The following MEP1B variants were observed in gnomAD, a reference collection of about 807,000 sequenced individuals.
The protein encoded by MEP1B is meprin A subunit beta, also known as N-benzoyl-L-tyrosyl-P-amino-benzoic acid hydrolase subunit beta.
In MEP1B, 80 loss-of-function variants were observed where a neutral mutation model predicts 84.6. The observed-to-expected ratio is 0.95, with a 90% CI of 0.79 to 1.14. The LOEUF (loss-of-function observed/expected upper bound fraction) is 1.14, where lower values mean the gene tolerates loss of function less well. Ranked by LOEUF, MEP1B falls within the 50% of genes most tolerant of loss-of-function variation. MEP1B has a pLI of 0.00. For synonymous variants in MEP1B, 273 were observed against 288.1 expected, an observed-to-expected ratio of 0.95 and a Z score of 0.53; for missense variants, 766 against 855.1, an observed-to-expected ratio of 0.90 and a Z score of 1.30.
intron 1 of MEP1B, among the ~76,000 whole-genome samples, chr18:32,191,232 T>C (rs944760001): frequency 1.3e-5 from 2 of 150,998 alleles, no homozygotes; most frequent in Non-Finnish European, 3.0e-5. Flanking sequence ...CCTTTGGACA[T>C]GTAGTCTGAG....
chr18:32,199,116 T>A (rs1035939285), intron 5 of MEP1B, among the ~76,000 whole-genome samples: 2 of 152,168 alleles, frequency 1.3e-5, no homozygotes, highest in African/African-American at 2.4e-5. Flanking sequence ...GTTTTTGGCA[T>A]GCAGAATTTG....
Position 32,213,531 on chromosome 18 carries a change from T to C in MEP1B, c.1551T>C (p.Ser517=). 2 of 1,613,646 alleles carry C rather than the reference T, an allele frequency of 1.2e-6. No individual in the cohort carries two copies. Among genetic ancestry groups the C allele is most frequent in the Middle Eastern group, 1.6e-4 (1 of 6,062 alleles). ...DIRQRMSNQR[S]ITTDPFMTTD... ...GACAGCGTATGTCCAATCAGCGGAG[T>C]ATAACTACAGACCCATTTATGACCA... is the stretch of plus-strand genomic sequence containing the variant. Residue 517 remains serine (S), a synonymous_variant, in exon 11 of 15, where the codon AGT becomes AGC. Coordinates refer to ENST00000269202, the MANE Select transcript of MEP1B (RefSeq NM_005925.3).
At chr18:32,210,362 G>A in intron 9 of MEP1B, 139 bp from the exon 10 acceptor site, 3 of 685,112 alleles carry the variant, frequency 4.4e-6, no homozygotes, top group South Asian at 2.0e-5. Context: ...ATGTAGCTTA[G>A]GCTTCTGTCA....
At chr18:32,215,402 A>T (rs2041073340) in intron 12 of MEP1B, 141 bp downstream of exon 12, 1 of 493,806 alleles carries the variant, frequency 2.0e-6, no homozygotes, top group East Asian at 3.3e-5. Flanking sequence ...GGGGTTTGGG[A>T]GGAATATGAA....
chr18:32,190,502 A>C (rs540470018), intron 1 of MEP1B, among the ~76,000 whole-genome samples: 144 of 152,270 alleles, frequency 9.5e-4, no homozygotes, highest in Non-Finnish European at 1.5e-3. Context: ...CAGTACTTAC[A>C]AAGTTTTATA....
intron 5 of MEP1B, among the ~76,000 whole-genome samples, chr18:32,201,673 T>C (rs1176998521): frequency 6.6e-6 from 1 of 152,186 alleles, no homozygotes; most frequent in Non-Finnish European, 1.5e-5. Flanking sequence ...GTAAGGGTGA[T>C]TGATTATTCC....
rs143231737 is a variant in MEP1B, at chr18:32,216,847, A to G, written c.1760-144A>G. The G allele has an allele frequency of 4.4e-4, 423 of 951,608 alleles. 2 individuals are homozygous for G. In the African/African-American group the frequency reaches 6.4e-3, roughly 14 times the overall value. 58.9% of individuals were successfully genotyped at this position (951,608 alleles called of 1,614,324 possible). ...CCTGGGAGCAAAGACCAGCCTGGGC[A>G]ACATTGCAAGATCTCACCTCTAAAA... is the stretch of plus-strand genomic sequence containing the variant. On this transcript the variant is annotated intron_variant, in intron 12 of 14. Coordinates refer to ENST00000269202, the MANE Select transcript of MEP1B (RefSeq NM_005925.3).
Position 32,204,361 on chromosome 18 carries a change from G to A in MEP1B, c.547+1G>A. ...ATAATGTGGGACAGAATTCTGTCAG[G>A]TACATTTCTCTTTTTTTCCTATGTT... On this transcript the variant is annotated splice_donor_variant, in intron 7 of 14. Coordinates refer to ENST00000269202, the MANE Select transcript of MEP1B (RefSeq NM_005925.3). LOFTEE classifies it high-confidence loss of function. 1 of 1,577,534 alleles carries A rather than the reference G, an allele frequency of 6.3e-7. No homozygotes were observed. The highest frequency in any genetic ancestry group is 8.6e-7 in the Non-Finnish European group (1 of 1,159,978).
intron 7 of MEP1B, among the ~76,000 whole-genome samples, chr18:32,206,009 T>A (rs2040960837): frequency 6.6e-6 from 1 of 152,168 alleles, no homozygotes; most frequent in Non-Finnish European, 1.5e-5. Context: ...TGAGACAGAA[T>A]CTCGCTCTGT....
intron 13 of MEP1B, 114 bp from the exon 14 acceptor site, chr18:32,217,647 T>C (rs2041106028): frequency 2.4e-6 from 2 of 844,574 alleles, no homozygotes; most frequent in Non-Finnish European, 1.9e-6. Flanking sequence ...TAGTTTCATA[T>C]AGCAATGACC....
intron 4 of MEP1B, 109 bp downstream of exon 4, chr18:32,192,926 T>G: frequency 7.7e-6 from 6 of 784,104 alleles, no homozygotes; most frequent in Non-Finnish European, 1.1e-5. Context: ...TAACTATCTC[T>G]AAGGGTGCAG....
At chr18:32,201,741 C>G (rs28451536) in intron 5 of MEP1B, among the ~76,000 whole-genome samples, 4 of 151,958 alleles carry the variant, frequency 2.6e-5, no homozygotes, top group African/African-American at 9.7e-5. Flanking sequence ...TTATTTATAA[C>G]GATAGTGTAT....
intron 3 of MEP1B, 33 bp downstream of exon 3, chr18:32,192,723 T>A (rs768089567): frequency 1.9e-6 from 3 of 1,611,026 alleles, no homozygotes. Flanking sequence ...ATCTCTTAAG[T>A]AGAGAGTTTG....
intron 5 of MEP1B, among the ~76,000 whole-genome samples, chr18:32,200,424 TTTC>T (rs1168070288): frequency 2.6e-5 from 4 of 152,184 alleles, no homozygotes; most frequent in Non-Finnish European, 5.9e-5. Context: ...ATTTTGATTA[TTTC>T]TTATTTAGAA....
In MEP1B at chr18:32,210,638, G is replaced by C. The variant is rs1598895163; in HGVS notation, c.1057G>C (p.Asp353His). 1.2e-6 allele frequency: 2 copies of C among 1,613,984 alleles called. No individual in the cohort carries two copies. The highest frequency in any genetic ancestry group is 1.7e-6 in the Non-Finnish European group (2 of 1,179,858). ...FYLYNSGSESDQLNIYIREYS... is the reference protein window; with the variant it reads ...FYLYNSGSESHQLNIYIREYS... ...CTTATATAACAGTGGCAGTGAAAGT[G>C]ATCAACTGAACATCTATATCAGGGA... The change falls in exon 10 of 15, where the codon GAT becomes CAT. Residue 353 changes from aspartate (D) to histidine (H), a missense_variant. By Grantham distance (81) the Asp-to-His change is moderately conservative (BLOSUM62 -1). Coordinates refer to ENST00000269202, the MANE Select transcript of MEP1B (RefSeq NM_005925.3).
rs2041012333 is a variant in MEP1B, at chr18:32,210,395, T to A, written c.920-106T>A. Reference sequence around the variant, plus strand: ...TCATTTCTCCCTGGCGATTTATATATGGATGTTACTTATGCCTCGCGTAAA... The same window carrying A: ...TCATTTCTCCCTGGCGATTTATATAAGGATGTTACTTATGCCTCGCGTAAA... On this transcript the variant is annotated intron_variant, in intron 9 of 14. Coordinates refer to ENST00000269202, the MANE Select transcript of MEP1B (RefSeq NM_005925.3). 3 of 903,650 alleles carry A rather than the reference T, an allele frequency of 3.3e-6. No individual in the cohort carries two copies. The East Asian group carries it at 7.9e-5, about 24-fold the overall frequency. 56.0% of individuals were successfully genotyped at this position (903,650 alleles called of 1,614,324 possible).
chr18:32,212,009 A>C (rs1469405319), intron 10 of MEP1B, among the ~76,000 whole-genome samples: 4 of 148,976 alleles, frequency 2.7e-5, no homozygotes, highest in Non-Finnish European at 4.4e-5. Context: ...TATTTATGTA[A>C]CAATGTAAAA....
At position 32,220,274 on chromosome 18, in the gene MEP1B, T is replaced by C; in HGVS notation, c.*29T>C. On this transcript the variant is annotated 3_prime_UTR_variant, in exon 15 of 15. Coordinates refer to ENST00000269202, the MANE Select transcript of MEP1B (RefSeq NM_005925.3). ...TTAACTCGACAATATGGCCAGCTAA[T>C]GAAATTAAAAAGGATTCTTCATCAT... 6.2e-7 allele frequency: 1 copy of C among 1,603,916 alleles called. No individual in the cohort carries two copies. The highest frequency in any genetic ancestry group is 8.5e-7 in the Non-Finnish European group (1 of 1,173,726).
intron 12 of MEP1B, among the ~76,000 whole-genome samples, chr18:32,216,259 G>C (rs2041088881): frequency 6.6e-6 from 1 of 152,114 alleles, no homozygotes; most frequent in African/African-American, 2.4e-5. Context: ...AGTAAATCTA[G>C]ATGATACCTC....
Sources: allele counts gnomAD v4.1 joint callset (sites outside exome capture counted in the v4.1 genomes callset), GRCh38; gene constraint gnomAD v4.1.1; transcripts MANE v1.5; gene names NCBI Gene and HGNC (gene_info 2026-07-23, HGNC 2026-07-21).